The following PLCB1 variants were observed in gnomAD, a reference collection of about 807,000 sequenced individuals.
PLCB1 encodes phospholipase C beta 1.
Under a neutral mutation model 161.8 loss-of-function variants are expected in PLCB1, and 46 were observed. The observed-to-expected ratio is 0.28, with a 90% CI of 0.22 to 0.36. The LOEUF (loss-of-function observed/expected upper bound fraction) is 0.36. Ranked by LOEUF, PLCB1 falls within the 10% of genes least tolerant of loss-of-function variation. PLCB1 has a pLI of 1.00. For synonymous variants in PLCB1, 517 were observed against 503.7 expected, an observed-to-expected ratio of 1.03 and a Z score of -0.35; for missense variants, 1,016 against 1,472.5, an observed-to-expected ratio of 0.69 and a Z score of 5.07.
intron 2 of PLCB1, among the ~76,000 whole-genome samples, chr20:8,341,640 G>T (rs1985813778): frequency 6.6e-6 from 1 of 152,078 alleles, no homozygotes; most frequent in Non-Finnish European, 1.5e-5. Flanking sequence ...TCAACCTTTG[G>T]CCTGACTTTC....
At chr20:8,397,735 G>A (rs1385460631) in intron 3 of PLCB1, among the ~76,000 whole-genome samples, 1 of 151,992 alleles carries the variant, frequency 6.6e-6, no homozygotes, top group African/African-American at 2.4e-5. Flanking sequence ...TGCTTTTATA[G>A]GTTGCCTGTT....
intron 3 of PLCB1, among the ~76,000 whole-genome samples, chr20:8,607,032 C>T (rs763768645): frequency 4.6e-5 from 7 of 152,116 alleles, no homozygotes; most frequent in African/African-American, 1.2e-4. Context: ...TCCCTAATAT[C>T]GGGCTTGATA....
chr20:8,159,001 C>A (rs2051593164), intron 2 of PLCB1, among the ~76,000 whole-genome samples: 1 of 152,152 alleles, frequency 6.6e-6, no homozygotes, highest in Non-Finnish European at 1.5e-5. Flanking sequence ...GTGGATCTAC[C>A]ATTCTAGAGT....
chr20:8,556,747 A>T (rs1436295826), intron 3 of PLCB1, among the ~76,000 whole-genome samples: 1 of 151,628 alleles, frequency 6.6e-6, no homozygotes, highest in East Asian at 1.9e-4. Context: ...CTAGCTAACC[A>T]CAAGCTAACA....
intron 2 of PLCB1, among the ~76,000 whole-genome samples, chr20:8,193,179 T>C (rs915310606): frequency 6.6e-6 from 1 of 151,802 alleles, no homozygotes; most frequent in African/African-American, 2.4e-5. Flanking sequence ...CTGGTGGGAG[T>C]GTAAATCATT....
rs764670797 is a variant in PLCB1 at position 8,741,505 on chromosome 20, C to G, written c.2455C>G (p.Leu819Val). ...ALSNPIRYVN[L>V]MEQRAKQLAA... ...ATCAAACCCAATCCGATATGTGAAC[C>G]TGATGGAACAGAGAGCTAAGCAATT... Residue 819 changes from leucine (L) to valine (V), a missense_variant, in exon 23 of 32, where the codon CTG becomes GTG. Leu to Val is a conservative substitution (Grantham distance 32). Coordinates refer to ENST00000338037, the MANE Select transcript of PLCB1 (RefSeq NM_015192.4). 1 of 1,613,750 alleles carries G rather than the reference C, an allele frequency of 6.2e-7. No individual in the cohort carries two copies. The highest frequency in any genetic ancestry group is 1.1e-5 in the South Asian group (1 of 91,056).
At chr20:8,516,018 G>A (rs1329713638) in intron 3 of PLCB1, among the ~76,000 whole-genome samples, 1 of 152,164 alleles carries the variant, frequency 6.6e-6, no homozygotes, top group Non-Finnish European at 1.5e-5. Context: ...CAGGCAAGGG[G>A]GCGTAAGGAG....
intron 2 of PLCB1, among the ~76,000 whole-genome samples, chr20:8,165,720 A>G (rs2051668478): frequency 6.6e-6 from 1 of 152,182 alleles, no homozygotes; most frequent in Admixed American, 6.5e-5. Context: ...ACAGGTTACT[A>G]AATGGTGGAA....
At chr20:8,387,970 CTT>C (rs35435405) in intron 3 of PLCB1, among the ~76,000 whole-genome samples, 2 of 133,092 alleles carry the variant, frequency 1.5e-5, no homozygotes, top group African/African-American at 5.7e-5. Flanking sequence ...TGTTTTACCA[CTT>C]TTTTTAAAAA....
At chr20:8,370,820 C>T (rs1000583314) in intron 2 of PLCB1, among the ~76,000 whole-genome samples, 1 of 152,242 alleles carries the variant, frequency 6.6e-6, no homozygotes, top group South Asian at 2.1e-4. Flanking sequence ...ATCATATCTT[C>T]TATGCCTTAT....
intron 23 of PLCB1, among the ~76,000 whole-genome samples, chr20:8,746,422 T>C (rs1981174031): frequency 6.6e-6 from 1 of 152,190 alleles, no homozygotes; most frequent in Admixed American, 6.5e-5. Context: ...TATTTGAATA[T>C]GACTTTTTTA....
intron 3 of PLCB1, among the ~76,000 whole-genome samples, chr20:8,612,822 T>C (rs1853260298): frequency 1.3e-5 from 2 of 152,192 alleles, no homozygotes; most frequent in Admixed American, 1.3e-4. Flanking sequence ...ACTCTACCCC[T>C]GAGCTGTACC....
chr20:8,765,088 C>A, intron 25 of PLCB1, 51 bp from the exon 26 acceptor site: 1 of 1,414,612 alleles, frequency 7.1e-7, no homozygotes, highest in Non-Finnish European at 9.8e-7. Flanking sequence ...TTCTTTCCAT[C>A]TGGATGTTCA....
intron 12 of PLCB1, among the ~76,000 whole-genome samples, chr20:8,709,232 T>C (rs951921959): frequency 6.6e-6 from 1 of 152,238 alleles, no homozygotes; most frequent in East Asian, 1.9e-4. Context: ...TTTCACTGGC[T>C]TTCCCCTGTT....
At chr20:8,428,918 A>G (rs1979910211) in intron 3 of PLCB1, among the ~76,000 whole-genome samples, 1 of 152,172 alleles carries the variant, frequency 6.6e-6, no homozygotes, top group Admixed American at 6.5e-5. Flanking sequence ...ATGCTATCCC[A>G]TGGCAGTTAA....
chr20:8,856,206 A>G (rs1362766267), intron 31 of PLCB1, among the ~76,000 whole-genome samples: 11 of 152,294 alleles, frequency 7.2e-5, no homozygotes, highest in Admixed American at 5.2e-4. Flanking sequence ...ATGTATTCCT[A>G]TAACACTTTA....
At chr20:8,680,793 G>T (rs1990191321) in intron 9 of PLCB1, among the ~76,000 whole-genome samples, 1 of 151,702 alleles carries the variant, frequency 6.6e-6, no homozygotes, top group South Asian at 2.1e-4. Flanking sequence ...ATTGTTGTTT[G>T]TTGATTTTAA....
intron 3 of PLCB1, among the ~76,000 whole-genome samples, chr20:8,627,578 A>G (rs1029069986): frequency 2.6e-5 from 4 of 152,234 alleles, no homozygotes; most frequent in African/African-American, 9.6e-5. Flanking sequence ...AACTTCAGCC[A>G]AGCTGACTGA....
At chr20:8,773,954 A>C (rs2146203032) in intron 26 of PLCB1, among the ~76,000 whole-genome samples, 1 of 148,792 alleles carries the variant, frequency 6.7e-6, no homozygotes, top group South Asian at 2.1e-4. Flanking sequence ...AGCTTGGGCA[A>C]CAGAGCAAGA....
Sources: allele counts gnomAD v4.1 joint callset (sites outside exome capture counted in the v4.1 genomes callset), GRCh38; gene constraint gnomAD v4.1.1; transcripts MANE v1.5; gene names NCBI Gene and HGNC (gene_info 2026-07-23, HGNC 2026-07-21).